The following GFOD2 variants were observed in gnomAD, a reference collection of about 807,000 sequenced individuals.
GFOD2 encodes glucose-fructose oxidoreductase domain-containing protein 2.
Under a neutral mutation model 24.6 loss-of-function variants are expected in GFOD2, and 9 were observed. The ratio of observed to expected loss-of-function variants is 0.37; its 90% CI spans 0.22 to 0.64. GFOD2 has a LOEUF of 0.64. Among genes scored for constraint, GFOD2 ranks in the 30% least tolerant of loss-of-function variants. GFOD2 has a pLI of 0.65. For missense variants in GFOD2, 476 were observed against 532.5 expected (o/e 0.89, Z 1.04); for synonymous variants, 211 against 224.8 (o/e 0.94, Z 0.55).
rs544269882 is a variant in GFOD2, at chr16:67,675,731, G to A, written c.582C>T (p.Ala194=). Reference sequence around the variant, plus strand: ...TCTTGAGCAGCCCGTGCACCTTCTCGGCTCTCCGGCCGGTCAGGTGGGTCA... The same window carrying A: ...TCTTGAGCAGCCCGTGCACCTTCTCAGCTCTCCGGCCGGTCAGGTGGGTCA... ...DLLTHLTGRR[A]EKVHGLLKTF... is the part of the protein sequence containing the mutation. The change falls in exon 3 of 3, where the codon GCC becomes GCT. Residue 194 remains alanine (A), a synonymous_variant. Coordinates refer to ENST00000268797, the MANE Select transcript of GFOD2 (RefSeq NM_030819.4). 13 of 1,614,062 alleles carry A rather than the reference G, an allele frequency of 8.1e-6. No individual in the cohort carries two copies. Among genetic ancestry groups the A allele is most frequent in the East Asian group, 2.2e-5 (1 of 44,882 alleles).
rs187710834 is a variant in GFOD2 at position 67,714,345 on chromosome 16, G to A, written c.-88+4818C>T. Reference sequence around the variant, plus strand: ...AATACAAAAATTAGCCAGGCATGAAGGCGCACACCTGTAATCCCAGCTACT... The same window carrying A: ...AATACAAAAATTAGCCAGGCATGAAAGCGCACACCTGTAATCCCAGCTACT... On this transcript the variant is annotated intron_variant, in intron 1 of 2. Transcript: ENST00000268797. 5.8e-3 allele frequency among the ~76,000 whole-genome samples: 877 copies of A among 151,814 alleles called. 8 individuals carry two copies. Among genetic ancestry groups the A allele is most frequent in the Non-Finnish European group, 7.5e-3 (511 of 67,958 alleles).
chr16:67,689,596 G>A (rs1405959785), intron 1 of GFOD2, among the ~76,000 whole-genome samples: 4 of 151,898 alleles, frequency 2.6e-5, no homozygotes, highest in Non-Finnish European at 4.4e-5. Flanking sequence ...GCTGGAACCC[G>A]GGAGGCGGAG....
intron 1 of GFOD2, among the ~76,000 whole-genome samples, chr16:67,688,618 C>A (rs1451859100): frequency 3.3e-5 from 5 of 152,122 alleles, no homozygotes; most frequent in African/African-American, 1.2e-4. Context: ...CACTGGTAAC[C>A]CTAGACCCAC....
chr16:67,685,737 C>G lies in GFOD2; in HGVS notation c.-22G>C, dbSNP rs200672020. The G allele has an allele frequency of 1.6e-4, 262 of 1,599,600 alleles. 1 individual carries two copies. The highest frequency in any genetic ancestry group is 1.7e-4 in the Middle Eastern group (1 of 6,044). On this transcript the variant is annotated 5_prime_UTR_variant, in exon 2 of 3. Transcript: ENST00000268797. The stretch of plus-strand genomic sequence containing the variant: ...TCATCCCAGCCTCTCTCTTTACCAA[C>G]TCATCTCCTCACAAGAGCCTCTGGC...
chr16:67,702,922 A>C (rs1022467437), intron 1 of GFOD2, among the ~76,000 whole-genome samples: 2 of 152,160 alleles, frequency 1.3e-5, no homozygotes, highest in African/African-American at 4.8e-5. Context: ...CAGTAAAAAA[A>C]GAATCACCCA....
chr16:67,675,322 G>T lies in GFOD2; in HGVS notation c.991C>A (p.Pro331Thr). 6.2e-7 allele frequency: 1 copy of T among 1,613,222 alleles called. No individual in the cohort carries two copies. Among genetic ancestry groups the T allele is most frequent in the Non-Finnish European group, 8.5e-7 (1 of 1,180,028 alleles). The change falls in exon 3 of 3, where the codon CCT becomes ACT. Residue 331 changes from proline (P) to threonine (T), a missense_variant. Physicochemically the swap from Pro to Thr is conservative, Grantham distance 38. Transcript: ENST00000268797. ...TCGAAGGAGGCGGCCATGGAGACAGGGGTGCGGTCCCAGGTGCGGCGGTCG... is the reference window on the plus strand; with the variant it reads ...TCGAAGGAGGCGGCCATGGAGACAGTGGTGCGGTCCCAGGTGCGGCGGTCG... ...QGDRRTWDRTPVSMAASFEDG... is the reference protein window; with the variant it reads ...QGDRRTWDRTTVSMAASFEDG...
At chr16:67,677,604 A>G (rs752712272) in intron 2 of GFOD2, 2 of 152,346 alleles carry the variant, frequency 1.3e-5, no homozygotes, top group African/African-American at 2.4e-5. Flanking sequence ...GCTGCTGTGC[A>G]GAAGGACTTG....
intron 1 of GFOD2, among the ~76,000 whole-genome samples, chr16:67,717,938 T>G (rs1462718226): frequency 6.6e-6 from 1 of 152,262 alleles, no homozygotes; most frequent in Admixed American, 6.5e-5. Context: ...AACCGTCTGT[T>G]GAAAATTTCC....
At chr16:67,686,641 T>G (rs1470410583) in intron 1 of GFOD2, among the ~76,000 whole-genome samples, 1 of 149,326 alleles carries the variant, frequency 6.7e-6, no homozygotes, top group Non-Finnish European at 1.5e-5. Flanking sequence ...ACCAGCCGGG[T>G]CAACATGGCC....
Position 67,675,792 on chromosome 16 carries a change from C to G in GFOD2, c.521G>C (p.Gly174Ala). The change falls in exon 3 of 3, where the codon GGC becomes GCC. Residue 174 changes from glycine (G) to alanine (A), a missense_variant. By Grantham distance (60) the Gly-to-Ala change is moderately conservative (BLOSUM62 0). Coordinates refer to ENST00000268797, the MANE Select transcript of GFOD2 (RefSeq NM_030819.4). ...WICDELMGGGGLHTMGTYIVD... is the reference protein window; with the variant it reads ...WICDELMGGGALHTMGTYIVD... ...AATGTAGGTCCCCATGGTGTGCAAG[C>G]CCCCGCCGCCCATGAGCTCATCACA... The G allele has an allele frequency of 6.2e-7, 1 of 1,614,110 alleles. No homozygotes were observed. Among genetic ancestry groups the G allele is most frequent in the African/African-American group, 1.3e-5 (1 of 75,062 alleles).
Position 67,675,593 on chromosome 16 carries a change from G to A in GFOD2, c.720C>T (p.Asn240=). The change falls in exon 3 of 3, where the codon AAC becomes AAT. Residue 240 remains asparagine, a synonymous_variant. Transcript: ENST00000268797. ...GGGVCSTVTL[N]FNMPGAFVHE... Reference sequence around the variant, plus strand: ...GCACAAAGGCGCCTGGCATGTTGAAGTTGAGTGTCACTGTGCTACACACAC... The same window carrying A: ...GCACAAAGGCGCCTGGCATGTTGAAATTGAGTGTCACTGTGCTACACACAC... The A allele has an allele frequency of 1.2e-6, 2 of 1,613,436 alleles. No individual in the cohort carries two copies. The highest frequency in any genetic ancestry group is 2.2e-5 in the East Asian group (1 of 44,894).
intron 1 of GFOD2, among the ~76,000 whole-genome samples, chr16:67,712,349 G>T (rs1257490216): frequency 2.5e-5 from 3 of 122,202 alleles, no homozygotes; most frequent in African/African-American, 3.0e-5. Flanking sequence ...AAGGCTGGAC[G>T]GTACTGCTGC....
At chr16:67,719,052 C>T (rs139901103) in intron 1 of GFOD2, 111 bp downstream of exon 1, 2,692 of 152,382 alleles carry the variant, frequency 0.018, 29 homozygotes, top group Non-Finnish European at 0.028. Flanking sequence ...CTCTGCGGGT[C>T]CACGCCTCCA....
At chr16:67,704,716 T>C (rs955062699) in intron 1 of GFOD2, among the ~76,000 whole-genome samples, 4 of 152,342 alleles carry the variant, frequency 2.6e-5, no homozygotes, top group Non-Finnish European at 4.4e-5. Context: ...CAGATGTGTA[T>C]AGGCACCTGA....
At chr16:67,687,250 A>C (rs1231285668) in intron 1 of GFOD2, among the ~76,000 whole-genome samples, 2 of 152,148 alleles carry the variant, frequency 1.3e-5, no homozygotes, top group Non-Finnish European at 2.9e-5. Context: ...TATAATTAAA[A>C]TTTTCATGGT....
chr16:67,707,055 T>C (rs1451614241), intron 1 of GFOD2, among the ~76,000 whole-genome samples: 2 of 127,410 alleles, frequency 1.6e-5, no homozygotes, highest in South Asian at 5.1e-4. Context: ...CGAGACTCCA[T>C]CTCAAAAAAA....
intron 1 of GFOD2, among the ~76,000 whole-genome samples, chr16:67,713,573 A>C (rs1228812776): frequency 6.6e-6 from 1 of 152,154 alleles, no homozygotes; most frequent in Non-Finnish European, 1.5e-5. Context: ...AGATCAACTA[A>C]TTTGCTAGAG....
intron 1 of GFOD2, among the ~76,000 whole-genome samples, chr16:67,714,924 C>T (rs1307536201): frequency 6.6e-6 from 1 of 152,152 alleles, no homozygotes; most frequent in Non-Finnish European, 1.5e-5. Context: ...AATGACAGTA[C>T]CTTGGACAAA....
In GFOD2 at chr16:67,674,782, C is replaced by T; in HGVS notation, c.*373G>A. Reference sequence around the variant, plus strand: ...CCAAGAACGAAACAAAACTTCTCATCATTTCTCCTCAGGCCTCAGCCGAGC... The same window carrying T: ...CCAAGAACGAAACAAAACTTCTCATTATTTCTCCTCAGGCCTCAGCCGAGC... On this transcript the variant is annotated 3_prime_UTR_variant, in exon 3 of 3. Transcript: ENST00000268797. The T allele has an allele frequency of 5.2e-6, 1 of 191,214 alleles. No homozygotes were observed. The highest frequency in any genetic ancestry group is 2.1e-3 in the Middle Eastern group (1 of 476). The allele number at this position is 191,214 out of a possible 1,614,324, so 11.8% of individuals were successfully genotyped here. A position where few individuals can be genotyped will look rare whatever the true frequency, so the allele number is the denominator to read the frequency against.
Sources: allele counts gnomAD v4.1 joint callset (sites outside exome capture counted in the v4.1 genomes callset), GRCh38; gene constraint gnomAD v4.1.1; transcripts MANE v1.5; gene names NCBI Gene and HGNC (gene_info 2026-07-23, HGNC 2026-07-21).